Variants in MTMR7 observed in about 807,000 individuals in gnomAD.
MTMR7 encodes the protein phosphatidylinositol-3-phosphate phosphatase MTMR7.
A neutral mutation model predicts 81.2 loss-of-function variants in MTMR7; 76 were observed. The ratio of observed to expected loss-of-function variants is 0.94; its 90% CI spans 0.78 to 1.13. The LOEUF is 1.13. Among genes scored for constraint, MTMR7 ranks in the 50% most tolerant of loss-of-function variants. The pLI is 0.00. For missense variants in MTMR7, 1,044 were observed against 820.0 expected, an observed-to-expected ratio of 1.27 and a Z score of -3.34; for synonymous variants, 372 against 289.8, an observed-to-expected ratio of 1.28 and a Z score of -2.88.
At chr8:17,339,319 T>C (rs1363789672) in intron 6 of MTMR7, among the ~76,000 whole-genome samples, 1 of 152,202 alleles carries the variant, frequency 6.6e-6, no homozygotes, top group African/African-American at 2.4e-5. Context: ...TACGACTCAA[T>C]GGTGTTTGGT....
rs1429132431 is a variant in MTMR7 at position 17,299,793 on chromosome 8, C to A, written c.*69G>T. 6 of 1,567,034 alleles carry A rather than the reference C, an allele frequency of 3.8e-6. No individual in the cohort carries two copies. The highest frequency in any genetic ancestry group is 8.7e-7 in the Non-Finnish European group (1 of 1,155,532). On this transcript the variant is annotated 3_prime_UTR_variant, in exon 14 of 14. Transcript: ENST00000180173. The stretch of plus-strand genomic sequence containing the variant: ...CACCATTTCCTGTTTTTACAATAAA[C>A]CACCTTGTTCCCTTGTTTTTGGAAG...
chr8:17,368,334 C>A (rs1388435890), intron 3 of MTMR7, among the ~76,000 whole-genome samples: 2 of 152,134 alleles, frequency 1.3e-5, no homozygotes, highest in South Asian at 2.1e-4. Flanking sequence ...GGGTTGGGGA[C>A]CCCTGCTCTA....
At chr8:17,369,887 C>T (rs987651085) in intron 3 of MTMR7, among the ~76,000 whole-genome samples, 8 of 151,960 alleles carry the variant, frequency 5.3e-5, no homozygotes, top group Admixed American at 3.3e-4. Context: ...CTTTGCAATC[C>T]GCCTGCCTCG....
At chr8:17,335,337 A>G (rs1784293363) in intron 6 of MTMR7, among the ~76,000 whole-genome samples, 1 of 152,190 alleles carries the variant, frequency 6.6e-6, no homozygotes, top group Admixed American at 6.5e-5. Flanking sequence ...AAATGACTGG[A>G]TAACAGAATG....
Position 17,381,701 on chromosome 8 carries a change from C to G in MTMR7, c.25-8461G>C, listed in dbSNP as rs185573950. Among the ~76,000 whole-genome samples, 32 of 152,286 alleles carry G rather than the reference C, an allele frequency of 2.1e-4. No homozygotes were observed. In the East Asian group the frequency reaches 5.8e-3, roughly 28 times the overall value. ...TGTCAGTCATCTGGGGGAAGAGATC[C>G]AGGGACTGTTTAACAGAGAGAAATC... On this transcript the variant is annotated intron_variant, in intron 1 of 13. Transcript: ENST00000180173.
intron 1 of MTMR7, among the ~76,000 whole-genome samples, chr8:17,381,704 G>C (rs893289730): frequency 6.6e-6 from 1 of 151,998 alleles, no homozygotes; most frequent in Non-Finnish European, 1.5e-5. Context: ...AGAGATCCAG[G>C]GACTGTTTAA....
chr8:17,325,017 T>C (rs1466754086), intron 7 of MTMR7, among the ~76,000 whole-genome samples: 2 of 152,078 alleles, frequency 1.3e-5, no homozygotes, highest in East Asian at 3.9e-4. Context: ...ATTTGCAATA[T>C]CTACAAAGGG....
rs1817640653 is a variant in MTMR7 at position 17,309,004 on chromosome 8, A to G, written c.1151+273T>C. On this transcript the variant is annotated intron_variant, in intron 10 of 13. Coordinates refer to ENST00000180173, the MANE Select transcript of MTMR7 (RefSeq NM_004686.5). ...TAAGTCACATGCAAATGGCAGGAGG[A>G]AGGGAAGGCTGATCCTCACTAAGAC... Among the ~76,000 whole-genome samples the G allele has an allele frequency of 1.3e-5, 2 of 152,222 alleles. 1 individual carries two copies. Among genetic ancestry groups the G allele is most frequent in the South Asian group, 4.1e-4 (2 of 4,838 alleles).
chr8:17,409,703 A>T (rs1258411980), intron 1 of MTMR7, among the ~76,000 whole-genome samples: 1 of 152,218 alleles, frequency 6.6e-6, no homozygotes, highest in African/African-American at 2.4e-5. Flanking sequence ...CTAAGGGGAA[A>T]ACACAAGGTG....
chr8:17,335,912 C>CT (rs1172721358), intron 6 of MTMR7, among the ~76,000 whole-genome samples: 18 of 152,222 alleles, frequency 1.2e-4, no homozygotes, highest in African/African-American at 4.3e-4. Context: ...GTGTGGACTG[C>CT]TGAGGGGTTT....
At chr8:17,365,004 T>C (rs1820182698) in intron 3 of MTMR7, among the ~76,000 whole-genome samples, 2 of 152,358 alleles carry the variant, frequency 1.3e-5, no homozygotes, top group East Asian at 3.9e-4. Context: ...TTTTCCATAA[T>C]GGCTTGTACT....
At chr8:17,345,578 G>C (rs1819531331) in intron 5 of MTMR7, among the ~76,000 whole-genome samples, 1 of 152,212 alleles carries the variant, frequency 6.6e-6, no homozygotes, top group South Asian at 2.1e-4. Context: ...GTAACCTAGA[G>C]CAGGAATCCC....
chr8:17,309,890 A>C (rs991587131), intron 9 of MTMR7, among the ~76,000 whole-genome samples: 1 of 152,200 alleles, frequency 6.6e-6, no homozygotes, highest in African/African-American at 2.4e-5. Context: ...GGTATATTCA[A>C]AGCTTCAGCC....
chr8:17,329,971 G>A (rs1444683175), intron 7 of MTMR7, among the ~76,000 whole-genome samples: 1 of 152,150 alleles, frequency 6.6e-6, no homozygotes, highest in African/African-American at 2.4e-5. Context: ...GCTACAGAGG[G>A]GCATCAAACT....
intron 1 of MTMR7, among the ~76,000 whole-genome samples, chr8:17,384,909 G>A (rs1820883004): frequency 6.6e-6 from 1 of 152,158 alleles, no homozygotes; most frequent in Non-Finnish European, 1.5e-5. Flanking sequence ...GAGAAGAATT[G>A]AGCATAATCC....
rs140248091 is a variant in MTMR7, at chr8:17,301,218, T to G, written c.1620+936A>C. Among the ~76,000 whole-genome samples, 23 of 151,838 alleles carry G rather than the reference T, an allele frequency of 1.5e-4. No individual in the cohort carries two copies. In the East Asian group the frequency reaches 4.5e-3, roughly 29 times the overall value. ...AGACCCAGCCTTAAGGAACATGGAG[T>G]AGTGGAGCAGAGAGAGGCAGAGTTC... On this transcript the variant is annotated intron_variant, in intron 13 of 13. Coordinates refer to ENST00000180173, the MANE Select transcript of MTMR7 (RefSeq NM_004686.5).
chr8:17,397,423 T>C (rs1466208128), intron 1 of MTMR7, among the ~76,000 whole-genome samples: 1 of 152,054 alleles, frequency 6.6e-6, no homozygotes, highest in Non-Finnish European at 1.5e-5. Context: ...CGAACGTCGG[T>C]GGTGGCCTGC....
intron 1 of MTMR7, among the ~76,000 whole-genome samples, chr8:17,386,010 C>A (rs952045037): frequency 3.9e-5 from 6 of 152,114 alleles, no homozygotes; most frequent in African/African-American, 1.4e-4. Flanking sequence ...CAATTTAAGC[C>A]CTTTTAATTT....
At chr8:17,370,128 G>GT (rs201807333) in intron 3 of MTMR7, among the ~76,000 whole-genome samples, 4,842 of 141,666 alleles carry the variant, frequency 0.034, 428 homozygotes, top group East Asian at 0.32. Context: ...ACCACATTAA[G>GT]TTTTTTTTTT....
Sources: gnomAD v4.1 joint callset for allele counts (sites outside exome capture counted in the v4.1 genomes callset) on GRCh38, gnomAD v4.1.1 for gene constraint, MANE v1.5 for transcripts, NCBI Gene and HGNC (gene_info 2026-07-23, HGNC 2026-07-21) for gene names.